Variants in LRGUK observed in about 807,000 individuals in gnomAD.
LRGUK encodes the protein leucine-rich repeat and guanylate kinase domain-containing protein.
Under a neutral mutation model 76.0 loss-of-function variants are expected in LRGUK, and 65 were observed. The ratio of observed to expected loss-of-function variants is 0.85; its 90% CI spans 0.70 to 1.05. The LOEUF (loss-of-function observed/expected upper bound fraction) is 1.05, where lower values mean the gene tolerates loss of function less well. Ranked by LOEUF, LRGUK falls within the 50% of genes least tolerant of loss-of-function variation. LRGUK has a pLI of 0.00. For synonymous variants in LRGUK, 268 were observed against 265.6 expected (o/e 1.01, Z -0.09); for missense variants, 758 against 732.8 (o/e 1.03, Z -0.40).
chr7:134,145,623 C>T (rs1482783535), intron 4 of LRGUK, among the ~76,000 whole-genome samples: 1 of 152,198 alleles, frequency 6.6e-6, no homozygotes, highest in Non-Finnish European at 1.5e-5. Flanking sequence ...GATACTGAAG[C>T]ATGAAAGGTT....
intron 19 of LRGUK, among the ~76,000 whole-genome samples, chr7:134,261,486 A>T (rs1416510387): frequency 6.6e-6 from 1 of 152,166 alleles, no homozygotes; most frequent in Non-Finnish European, 1.5e-5. Context: ...ACCAACAAGC[A>T]TGTGACCTCT....
chr7:134,237,050 CTTTTTTTTT>C (rs10555261), intron 16 of LRGUK, among the ~76,000 whole-genome samples: 20 of 75,176 alleles, frequency 2.7e-4, no homozygotes, highest in African/African-American at 7.2e-4. Flanking sequence ...TTTTCTCTTT[CTTTTTTTTT>C]TTTTTTTTTT....
rs1032380073 is a variant in LRGUK, at chr7:134,183,639, C to T, written c.1215-95C>T. 48 of 1,403,468 alleles carry T rather than the reference C, an allele frequency of 3.4e-5. No individual in the cohort carries two copies. In the African/African-American group the frequency reaches 5.7e-4, roughly 17 times the overall value. 86.9% of individuals were successfully genotyped at this position (1,403,468 alleles called of 1,614,324 possible). A position where few individuals can be genotyped will look rare whatever the true frequency, so the allele number is the denominator to read the frequency against. On this transcript the variant is annotated intron_variant, in intron 10 of 15. Coordinates refer to ENST00000645682, the Ensembl canonical transcript of LRGUK. Reference sequence around the variant, plus strand: ...TACGCAGGGTCTTATATAGCAAGTGCTCATTTAGCCAGGTTAATGGTGGCC... The same window carrying T: ...TACGCAGGGTCTTATATAGCAAGTGTTCATTTAGCCAGGTTAATGGTGGCC...
At chr7:134,185,293 G>T (rs1296650529) in intron 11 of LRGUK, among the ~76,000 whole-genome samples, 1 of 152,114 alleles carries the variant, frequency 6.6e-6, no homozygotes, top group Non-Finnish European at 1.5e-5. Context: ...GAGACTAGTG[G>T]CTCACGCTTC....
intron 16 of LRGUK, among the ~76,000 whole-genome samples, chr7:134,223,696 C>CT (rs552511286): frequency 2.9e-4 from 44 of 152,186 alleles, no homozygotes; most frequent in Non-Finnish European, 5.6e-4. Flanking sequence ...CATGGAGATG[C>CT]TTTTCATCTA....
chr7:134,152,358 AG>A (rs1451430681), intron 5 of LRGUK, among the ~76,000 whole-genome samples: 2 of 152,076 alleles, frequency 1.3e-5, no homozygotes, highest in East Asian at 3.9e-4. Context: ...ACTCTATTTA[AG>A]GGTGTTGAAG....
Position 134,162,801 on chromosome 7 carries a change from T to C in LRGUK, c.796-596T>C, listed in dbSNP as rs374570310. On this transcript the variant is annotated intron_variant, in intron 6 of 15. Coordinates refer to ENST00000645682, the Ensembl canonical transcript of LRGUK. ...GAGGTCGTGCCACTGCACTCCAGCC[T>C]GGGCTACAAAGCCAGACTCCTTCTC... 2.0e-3 allele frequency among the ~76,000 whole-genome samples: 233 copies of C among 116,902 alleles called. No homozygotes were observed. The Middle Eastern group carries it at 0.027, about 13-fold the overall frequency. 76.7% of individuals were successfully genotyped at this position (116,902 alleles called of 152,430 possible). A position where few individuals can be genotyped will look rare whatever the true frequency, so the allele number is the denominator to read the frequency against.
intron 16 of LRGUK, among the ~76,000 whole-genome samples, chr7:134,242,636 T>C (rs910837092): frequency 1.3e-4 from 20 of 152,302 alleles, no homozygotes; most frequent in Admixed American, 5.2e-4. Context: ...AAAGAGGAGC[T>C]GGTACCATTC....
chr7:134,229,077 T>G (rs958909645), intron 16 of LRGUK, among the ~76,000 whole-genome samples: 3 of 152,236 alleles, frequency 2.0e-5, no homozygotes, highest in African/African-American at 4.8e-5. Flanking sequence ...ATTTAGTTTT[T>G]TAAAAATATA....
In LRGUK at chr7:134,170,361, T is replaced by C. The variant is rs905898034; in HGVS notation, c.940-4195T>C. ...TGTTAGGTGTTCACCTAAACTTTTT[T>C]CCCCTGGTTTCTTTCATTACCTTTC... On this transcript the variant is annotated intron_variant, in intron 7 of 15. Transcript: ENST00000645682. Among the ~76,000 whole-genome samples, 19 of 152,218 alleles carry C rather than the reference T, an allele frequency of 1.2e-4. 1 individual carries two copies. Among genetic ancestry groups the C allele is most frequent in the Admixed American group, 1.0e-3 (16 of 15,298 alleles).
chr7:134,201,245 C>T (rs1475548393), intron 14 of LRGUK, among the ~76,000 whole-genome samples: 1 of 152,176 alleles, frequency 6.6e-6, no homozygotes, highest in African/African-American at 2.4e-5. Context: ...ATCCCTTTTG[C>T]TGAATGTCAC....
chr7:134,231,027 C>G (rs1007952159), intron 16 of LRGUK, among the ~76,000 whole-genome samples: 3 of 152,122 alleles, frequency 2.0e-5, no homozygotes, highest in Non-Finnish European at 2.9e-5. Flanking sequence ...TTAGCAAAAC[C>G]CACTCTGGGA....
chr7:134,220,579 C>CTTT (rs202144898), intron 15 of LRGUK, among the ~76,000 whole-genome samples: 2 of 145,090 alleles, frequency 1.4e-5, no homozygotes, highest in Admixed American at 6.9e-5. Flanking sequence ...TCTTCTTCTT[C>CTTT]TTTTTTTTTT....
chr7:134,134,579 CA>C (rs763208028), intron 1 of LRGUK, among the ~76,000 whole-genome samples: 3 of 152,142 alleles, frequency 2.0e-5, no homozygotes, highest in Non-Finnish European at 4.4e-5. Context: ...ATCTCCATGT[CA>C]ATGGCTAAGT....
intron 16 of LRGUK, among the ~76,000 whole-genome samples, chr7:134,224,879 C>G (rs542037968): frequency 1.4e-4 from 22 of 151,844 alleles, no homozygotes; most frequent in Non-Finnish European, 2.9e-4. Flanking sequence ...GGTGAAACCC[C>G]GTCTCTACTG....
At chr7:134,213,649 A>T (rs554557755), downstream of LRGUK, among the ~76,000 whole-genome samples, 1 of 152,118 alleles carries the variant, frequency 6.6e-6, no homozygotes, top group South Asian at 2.1e-4. Context: ...GATAAGCCAA[A>T]TTTTTTTTAT....
At chr7:134,207,262 A>G (rs908222851) in intron 15 of LRGUK, among the ~76,000 whole-genome samples, 7 of 152,124 alleles carry the variant, frequency 4.6e-5, no homozygotes, top group Admixed American at 2.6e-4. Flanking sequence ...ATCACTACCT[A>G]TTTCCAAAAT....
At chr7:134,152,619 C>A (rs1563147487) in intron 5 of LRGUK, among the ~76,000 whole-genome samples, 1 of 152,002 alleles carries the variant, frequency 6.6e-6, no homozygotes, top group Non-Finnish European at 1.5e-5. Context: ...TCCAGAAGAT[C>A]TTTTTACCTT....
chr7:134,209,227 G>C, exon 16 of LRGUK: 1 of 398,988 alleles, frequency 2.5e-6, no homozygotes, highest in Non-Finnish European at 4.4e-6. Flanking sequence ...GCCCTCCTCT[G>C]TCTGAACCTC....
Sources: gnomAD v4.1 joint callset for allele counts (sites outside exome capture counted in the v4.1 genomes callset) on GRCh38, gnomAD v4.1.1 for gene constraint, MANE v1.5 for transcripts, NCBI Gene and HGNC (gene_info 2026-07-23, HGNC 2026-07-21) for gene names.